The following SIAE variants were observed in gnomAD, a reference collection of about 807,000 sequenced individuals.
SIAE encodes the protein sialic acid acetylesterase, also known as sialate O-acetylesterase.
A neutral mutation model predicts 52.6 loss-of-function variants in SIAE; 39 were observed. The observed-to-expected ratio is 0.74, with a 90% confidence interval of 0.57 to 0.97. The LOEUF is 0.97. Among genes scored for constraint, SIAE ranks in the 50% least tolerant of loss-of-function variants. The probability of loss-of-function intolerance (pLI) is 0.00; values close to 1 mark genes in which losing one functional copy is unlikely to be tolerated. For synonymous variants in SIAE, 233 were observed against 241.4 expected (o/e 0.97, Z 0.32); for missense variants, 592 against 662.1 (o/e 0.89, Z 1.16).
Position 124,636,806 on chromosome 11 carries a change from T to C in SIAE, c.*145A>G. ...CTATAAGCCTGGGCTCATCAGAATA[T>C]AGAAACAGCCATGTGCTAGCTGAAA... On this transcript the variant is annotated 3_prime_UTR_variant, in exon 10 of 10. Coordinates refer to ENST00000263593, the MANE Select transcript of SIAE (RefSeq NM_170601.5). 1.7e-6 allele frequency: 2 copies of C among 1,184,826 alleles called. No individual in the cohort carries two copies. Among genetic ancestry groups the C allele is most frequent in the African/African-American group, 3.0e-5 (2 of 65,680 alleles). The allele number at this position is 1,184,826 out of a possible 1,614,324, so 73.4% of individuals were successfully genotyped here.
rs1942991973 is a variant in SIAE, at chr11:124,649,811, G to C, written c.545-15C>G. The stretch of plus-strand genomic sequence containing the variant: ...GCCTAAGTTTTCTGTTCAGAGAAAT[G>C]GTTAAAGAAAAAGAGCCAGAGAAAG... On this transcript the variant is annotated splice_polypyrimidine_tract_variant and intron_variant, in intron 4 of 9. Coordinates refer to ENST00000263593, the MANE Select transcript of SIAE (RefSeq NM_170601.5). 7.4e-6 allele frequency: 12 copies of C among 1,613,862 alleles called. No individual in the cohort carries two copies. The highest frequency in any genetic ancestry group is 1.3e-5 in the African/African-American group (1 of 75,050).
chr11:124,662,056 C>A (rs535781776), intron 2 of SIAE, among the ~76,000 whole-genome samples: 9 of 152,316 alleles, frequency 5.9e-5, no homozygotes, highest in Admixed American at 3.9e-4. Flanking sequence ...AGCCCCAAGA[C>A]ATCAGAGGAA....
intron 9 of SIAE, among the ~76,000 whole-genome samples, chr11:124,637,627 C>T (rs924434930): frequency 6.6e-6 from 1 of 152,162 alleles, no homozygotes; most frequent in East Asian, 1.9e-4. Flanking sequence ...GCATAAGATA[C>T]AAAACCTTTC....
intron 7 of SIAE, among the ~76,000 whole-genome samples, chr11:124,643,206 C>T (rs7115144): frequency 0.045 from 6,776 of 152,108 alleles, 494 homozygotes; most frequent in African/African-American, 0.15. Context: ...GGCCCCAGGA[C>T]GGGAGTATGC....
At chr11:124,648,890 A>G (rs569855659) in intron 5 of SIAE, among the ~76,000 whole-genome samples, 2 of 152,146 alleles carry the variant, frequency 1.3e-5, no homozygotes, top group East Asian at 1.9e-4. Context: ...CTTTTACCCA[A>G]ACTATACCCA....
intron 3 of SIAE, among the ~76,000 whole-genome samples, chr11:124,655,783 G>A (rs1943089670): frequency 6.6e-6 from 1 of 152,054 alleles, no homozygotes; most frequent in Non-Finnish European, 1.5e-5. Context: ...TGGCATATTT[G>A]TTTATAGCCT....
At chr11:124,638,241 GCTGCAGGCC>G (rs1038538725) in intron 9 of SIAE, among the ~76,000 whole-genome samples, 10 of 152,236 alleles carry the variant, frequency 6.6e-5, no homozygotes, top group African/African-American at 2.2e-4. Context: ...TACAAATAAA[GCTGCAGGCC>G]CTGCCCTAGC....
intron 4 of SIAE, among the ~76,000 whole-genome samples, chr11:124,650,839 C>G (rs899695844): frequency 2.7e-4 from 41 of 152,142 alleles, no homozygotes; most frequent in African/African-American, 9.9e-4. Context: ...GTAAAGAAAA[C>G]ATGGACAGAT....
At chr11:124,656,565 C>T (rs777359304) in intron 3 of SIAE, among the ~76,000 whole-genome samples, 3 of 152,242 alleles carry the variant, frequency 2.0e-5, no homozygotes, top group Non-Finnish European at 2.9e-5. Flanking sequence ...GTGTATGCTA[C>T]ACTCAGTTCC....
rs1280014900 is a variant in SIAE at position 124,645,348 on chromosome 11, C to CT, written c.966+2016dup. 1.3e-5 allele frequency among the ~76,000 whole-genome samples: 2 copies of CT among 150,814 alleles called. No individual in the cohort carries two copies. Among genetic ancestry groups the CT allele is most frequent in the Non-Finnish European group, 3.0e-5 (2 of 67,568 alleles). On this transcript the variant is annotated intron_variant, in intron 7 of 9. Coordinates refer to ENST00000263593, the MANE Select transcript of SIAE (RefSeq NM_170601.5). This position sits in a 1 kb window ranked among gnomAD's most constrained non-coding sequence, Gnocchi z 4.7. ...TTTTTTTTTGAGACGGAGTTTCGCT[C>CT]TTATTGCCCAGGCTGAGTGCAATGC...
rs148946301 is a variant in SIAE at position 124,636,785 on chromosome 11, A to G, written c.*166T>C. On this transcript the variant is annotated 3_prime_UTR_variant, in exon 10 of 10. Transcript: ENST00000263593. ...AAAGCAAGCATTTCAAGTTACCTAT[A>G]AGCCTGGGCTCATCAGAATATAGAA... The G allele has an allele frequency of 0.017, 16,093 of 961,998 alleles. 191 individuals are homozygous for G. The highest frequency in any genetic ancestry group is 0.02 in the Non-Finnish European group (12,717 of 629,906). 59.6% of individuals were successfully genotyped at this position (961,998 alleles called of 1,614,324 possible).
Position 124,649,500 on chromosome 11 carries a change from T to C in SIAE, c.722+119A>G, listed in dbSNP as rs575119545. 53 of 1,082,582 alleles carry C rather than the reference T, an allele frequency of 4.9e-5. No individual in the cohort carries two copies. The South Asian group carries it at 6.4e-4, about 13-fold the overall frequency. 67.1% of individuals were successfully genotyped at this position (1,082,582 alleles called of 1,614,324 possible). A position where few individuals can be genotyped will look rare whatever the true frequency, so the allele number is the denominator to read the frequency against. ...TTTCCCTCTACATGAATAAATTACA[T>C]ACATTCAACACATATTGGGACATTC... On this transcript the variant is annotated intron_variant, in intron 5 of 9. Coordinates refer to ENST00000263593, the MANE Select transcript of SIAE (RefSeq NM_170601.5).
upstream of SIAE, chr11:124,675,584 T>G: frequency 1.6e-6 from 1 of 629,006 alleles, no homozygotes; most frequent in South Asian, 2.4e-5. Context: ...TTTGATATGT[T>G]CTCTTAAATT....
chr11:124,674,726 G>A (rs1253978069), upstream of SIAE: 1 of 152,764 alleles, frequency 6.5e-6, no homozygotes, highest in African/African-American at 2.4e-5. Flanking sequence ...TCCACAGTAC[G>A]AAGGTGTTCG....
At chr11:124,651,738 G>T (rs1485243365) in intron 4 of SIAE, among the ~76,000 whole-genome samples, 1 of 152,146 alleles carries the variant, frequency 6.6e-6, no homozygotes, top group African/African-American at 2.4e-5. Flanking sequence ...TCTGTGCATC[G>T]CTCCATCACT....
At position 124,639,748 on chromosome 11, in the gene SIAE, T is replaced by A; in HGVS notation, c.1086A>T (p.Val362=). 6.2e-7 allele frequency: 1 copy of A among 1,614,192 alleles called. No homozygotes were observed. Among genetic ancestry groups the A allele is most frequent in the Non-Finnish European group, 8.5e-7 (1 of 1,180,018 alleles). The stretch of plus-strand genomic sequence containing the variant: ...AGTCTCTATCACAGAGATCCATAGC[T>A]ACAGCCATGAAAGTATTGGGCATCT... ...NPKMPNTFMA[V]AMDLCDRDSP... Residue 362 remains valine, a synonymous_variant, in exon 8 of 10, where the codon GTA becomes GTT. Transcript: ENST00000263593.
chr11:124,648,164 TATGG>T lies in SIAE; in HGVS notation c.730_733del (p.Pro244ThrfsTer4). Reference sequence around the variant, plus strand: ...CTTACTGGGACCAGTTACAGAATCGTATGGAATGGACCTGAAATCATATGATGCA... The same window carrying T: ...CTTACTGGGACCAGTTACAGAATCGTAATGGACCTGAAATCATATGATGCA... On this transcript the variant is annotated frameshift_variant, in exon 6 of 10. Transcript: ENST00000263593. LOFTEE classifies it high-confidence loss of function. 1 of 1,613,584 alleles carries T rather than the reference TATGG, an allele frequency of 6.2e-7. No homozygotes were observed. Among genetic ancestry groups the T allele is most frequent in the Non-Finnish European group, 8.5e-7 (1 of 1,179,592 alleles).
chr11:124,673,686 A>T lies in SIAE; in HGVS notation c.23T>A (p.Leu8His). 6.2e-7 allele frequency: 1 copy of T among 1,613,626 alleles called. No homozygotes were observed. ...CAGGATTAATGGCAGCACCAGCCCGAGTACAAGCCCCGGCGCGACCATGCT... is the reference window on the plus strand; with the variant it reads ...CAGGATTAATGGCAGCACCAGCCCGTGTACAAGCCCCGGCGCGACCATGCT... MVAPGLV[L>H]GLVLPLILWA... The change falls in exon 1 of 10, where the codon CTC becomes CAC. Residue 8 changes from leucine (L) to histidine (H), a missense_variant. Transcript: ENST00000263593.
At position 124,673,703 on chromosome 11, in the gene SIAE, G is replaced by A; in HGVS notation, c.6C>T (p.Val2=). The change falls in exon 1 of 10, where the codon GTC becomes GTT. Residue 2 remains valine, a synonymous_variant. Coordinates refer to ENST00000263593, the MANE Select transcript of SIAE (RefSeq NM_170601.5). ...CCAGCCCGAGTACAAGCCCCGGCGCGACCATGCTTGCAAGGATCTGACCGC... is the reference window on the plus strand; with the variant it reads ...CCAGCCCGAGTACAAGCCCCGGCGCAACCATGCTTGCAAGGATCTGACCGC... M[V]APGLVLGLVL... 1.2e-6 allele frequency: 2 copies of A among 1,613,544 alleles called. No individual in the cohort carries two copies. Among genetic ancestry groups the A allele is most frequent in the African/African-American group, 1.3e-5 (1 of 75,018 alleles).
Sources: allele counts gnomAD v4.1 joint callset (sites outside exome capture counted in the v4.1 genomes callset), GRCh38; gene constraint gnomAD v4.1.1; non-coding constraint Gnocchi (gnomAD v3.1); transcripts MANE v1.5; gene names NCBI Gene and HGNC (gene_info 2026-07-23, HGNC 2026-07-21).